Variants in TSC2 observed in about 807,000 individuals in gnomAD.
TSC2 encodes the protein tuberin.
TSC2 carries 29 observed loss-of-function variants against 202.2 expected under a neutral mutation model. The ratio of observed to expected loss-of-function variants is 0.14; its 90% confidence interval spans 0.11 to 0.20. The LOEUF (loss-of-function observed/expected upper bound fraction) is 0.20. Among genes scored for constraint, TSC2 ranks in the 10% least tolerant of loss-of-function variants. The pLI, the probability that TSC2 is intolerant of heterozygous loss-of-function variation, is 1.00. For synonymous variants in TSC2, 1,349 were observed against 1,044.0 expected (o/e 1.29, Z -5.63); for missense variants, 2,429 against 2,420.0 (o/e 1.00, Z -0.08).
chr16:2,082,167 C>T, intron 31 of TSC2: 1 of 596,800 alleles, frequency 1.7e-6, no homozygotes, highest in Non-Finnish European at 3.0e-6. Context: ...CCCCACTCGG[C>T]ACCGTGCTTC....
chr16:2,065,791 C>G (rs2087268781), intron 16 of TSC2, among the ~76,000 whole-genome samples, 156 bp downstream of exon 16: 1 of 152,218 alleles, frequency 6.6e-6, no homozygotes, highest in African/African-American at 2.4e-5. Flanking sequence ...CAGAACCTTC[C>G]TCCTGCTCTT....
At chr16:2,067,775 A>G (rs2087605424) in intron 16 of TSC2, among the ~76,000 whole-genome samples, 1 of 152,134 alleles carries the variant, frequency 6.6e-6, no homozygotes, top group African/African-American at 2.4e-5. Context: ...CGTCTCAAAA[A>G]CAAAACAAAG....
At chr16:2,052,306 C>A (rs1222084759) in intron 3 of TSC2, among the ~76,000 whole-genome samples, 1 of 151,302 alleles carries the variant, frequency 6.6e-6, no homozygotes, top group Non-Finnish European at 1.5e-5. Flanking sequence ...AAGAACACGG[C>A]CATTTTGTTA....
chr16:2,083,618 G>A, intron 32 of TSC2, 77 bp from the exon 33 acceptor site: 1 of 1,546,132 alleles, frequency 6.5e-7, no homozygotes, highest in Non-Finnish European at 8.7e-7. Flanking sequence ...TCAGGAGAAG[G>A]CTGGTTCTCG....
rs771817176 is a variant in TSC2, at chr16:2,076,511, C to A, written c.2763C>A (p.Leu921=). The part of the protein sequence containing the change: ...FITKGLRSNV[L]LSFDDTPEKD... ...GCCAGGGCCTGCGGTCCAATGTCCT[C>A]TTGTCTTTTGATGACACCCCCGAGA... Residue 921 remains leucine, a synonymous_variant, in exon 25 of 42, where the codon CTC becomes CTA. Coordinates refer to ENST00000219476, the MANE Select transcript of TSC2 (RefSeq NM_000548.5). 2 of 1,613,432 alleles carry A rather than the reference C, an allele frequency of 1.2e-6. No homozygotes were observed. The highest frequency in any genetic ancestry group is 1.3e-5 in the African/African-American group (1 of 74,914).
intron 5 of TSC2, 165 bp downstream of exon 5, chr16:2,054,605 C>A: frequency 2.0e-6 from 2 of 1,000,112 alleles, no homozygotes; most frequent in Non-Finnish European, 3.1e-6. Context: ...GGCCGGAGTG[C>A]CCCTGAGGCA....
At position 2,079,784 on chromosome 16, in the gene TSC2, C is replaced by T. The variant is rs534471812; in HGVS notation, c.3397+115C>T. Reference sequence around the variant, plus strand: ...GGGCCGGGGTGGCTGGCTTCAGGCCCGGCCCACGTCCTGACTCTGGGGTGA... The same window carrying T: ...GGGCCGGGGTGGCTGGCTTCAGGCCTGGCCCACGTCCTGACTCTGGGGTGA... On this transcript the variant is annotated intron_variant, in intron 29 of 41. Transcript: ENST00000219476. The surrounding 1 kb of genome is among the most constrained non-coding windows in gnomAD (Gnocchi z 4.6). The T allele has an allele frequency of 5.5e-5, 57 of 1,041,986 alleles. No homozygotes were observed. The highest frequency in any genetic ancestry group is 5.4e-4 in the South Asian group (34 of 63,372). The allele number at this position is 1,041,986 out of a possible 1,614,324, so 64.5% of individuals were successfully genotyped here. A position where few individuals can be genotyped will look rare whatever the true frequency, so the allele number is the denominator to read the frequency against.
chr16:2,061,571 G>T (rs960758879), intron 11 of TSC2: 3 of 470,632 alleles, frequency 6.4e-6, no homozygotes, highest in East Asian at 8.0e-5. Context: ...AGATTCCTTG[G>T]GGGGTGGGGT....
intron 33 of TSC2, 39 bp from the exon 34 acceptor site, chr16:2,084,189 C>T (rs376768326): frequency 5.8e-6 from 9 of 1,554,250 alleles, no homozygotes; most frequent in Non-Finnish European, 7.8e-6. Flanking sequence ...CTCGAGGGTG[C>T]CTGCTGACAG....
chr16:2,083,447 G>A (rs546270757), intron 32 of TSC2: 100 of 637,066 alleles, frequency 1.6e-4, no homozygotes, highest in African/African-American at 1.5e-3. Context: ...TGGACACTAG[G>A]GTGGGCAGAG....
At chr16:2,058,347 C>T (rs906122913) in intron 9 of TSC2, among the ~76,000 whole-genome samples, 1 of 152,248 alleles carries the variant, frequency 6.6e-6, no homozygotes, top group African/African-American at 2.4e-5. Flanking sequence ...TTAGCGTGGT[C>T]ACTGACTCCC....
intron 7 of TSC2, 98 bp downstream of exon 7, chr16:2,056,342 T>C: frequency 6.6e-7 from 1 of 1,526,206 alleles, no homozygotes; most frequent in East Asian, 2.3e-5. Flanking sequence ...GCTGGCTGTG[T>C]AGCCCTGGGC....
At chr16:2,072,627 A>G (rs1450454273) in intron 20 of TSC2, 3 of 819,784 alleles carry the variant, frequency 3.7e-6, no homozygotes, top group Non-Finnish European at 5.6e-6. Flanking sequence ...TGCTTTTCCT[A>G]AGTGGGGCTC....
At chr16:2,081,837 C>T (rs1596401187) in intron 31 of TSC2, 39 bp downstream of exon 31, 2 of 1,605,480 alleles carry the variant, frequency 1.2e-6, no homozygotes, top group Non-Finnish European at 1.7e-6. Flanking sequence ...GCTCTGCTCC[C>T]ACTGGCCTGG....
chr16:2,074,618 A>AT (rs751592927), intron 22 of TSC2: 3 of 603,626 alleles, frequency 5.0e-6, no homozygotes, highest in East Asian at 2.8e-5. Flanking sequence ...TCCTCCTTGA[A>AT]GAAGCCTCTT....
rs1060500970 is a variant in TSC2 at position 2,058,851 on chromosome 16, C to T, written c.953C>T (p.Ser318Phe). The T allele has an allele frequency of 5.0e-6, 8 of 1,608,100 alleles. No individual in the cohort carries two copies. Among genetic ancestry groups the T allele is most frequent in the South Asian group, 2.2e-5 (2 of 89,512 alleles). Residue 318 changes from serine (S) to phenylalanine (F), a missense_variant, in exon 10 of 42, where the codon TCT becomes TTT. Coordinates refer to ENST00000219476, the MANE Select transcript of TSC2 (RefSeq NM_000548.5). ...TATTCTCTCAGGAACTCGCCGACATCTGTGTTGCCATCATTTTACCAGGTA... is the reference window on the plus strand; with the variant it reads ...TATTCTCTCAGGAACTCGCCGACATTTGTGTTGCCATCATTTTACCAGGTA... ...RLYSLRNSPT[S>F]VLPSFYQAMA...
Position 2,087,881 on chromosome 16 carries a change from C to T in TSC2, c.5008C>T (p.His1670Tyr), listed in dbSNP as rs1596454994. Residue 1670 changes from histidine (H) to tyrosine (Y), a missense_variant, in exon 39 of 42, where the codon CAC becomes TAC. Physicochemically the swap from His to Tyr is moderately conservative, Grantham distance 83 (BLOSUM62 2). Transcript: ENST00000219476. ...GTIKGQFNFV[H>Y]VIVTPLDYEC... ...CGGGCAGGGCCAGTTCAACTTTGTC[C>T]ACGTGATCGTCACCCCGCTGGACTA... 1 of 1,612,496 alleles carries T rather than the reference C, an allele frequency of 6.2e-7. No individual in the cohort carries two copies. The highest frequency in any genetic ancestry group is 1.7e-5 in the Admixed American group (1 of 59,996).
intron 25 of TSC2, 112 bp from the exon 26 acceptor site, chr16:2,077,486 C>A: frequency 6.6e-7 from 1 of 1,525,346 alleles, no homozygotes; most frequent in Non-Finnish European, 9.0e-7. Flanking sequence ...GGGATCTCTC[C>A]ATCCTGACCC....
chr16:2,084,488 C>G lies in TSC2; in HGVS notation c.4266C>G (p.Thr1422=), dbSNP rs2090513817. Residue 1422 remains threonine, a synonymous_variant, in exon 34 of 42, where the codon ACC becomes ACG. Coordinates refer to ENST00000219476, the MANE Select transcript of TSC2 (RefSeq NM_000548.5). ...TTAAGGCCCGGTCACAGTCAGGGAC[C>G]CTGGACGGGGAAAGTGCTGCCTGGT... is the stretch of plus-strand genomic sequence containing the variant. ...PEVKARSQSG[T]LDGESAAWSA... is the part of the protein sequence containing the mutation. 3.7e-6 allele frequency: 6 copies of G among 1,609,214 alleles called. No individual in the cohort carries two copies. The highest frequency in any genetic ancestry group is 5.1e-6 in the Non-Finnish European group (6 of 1,178,652).
Sources: gnomAD v4.1 joint callset for allele counts (sites outside exome capture counted in the v4.1 genomes callset) on GRCh38, gnomAD v4.1.1 for gene constraint, Gnocchi (gnomAD v3.1) non-coding constraint, MANE v1.5 for transcripts, NCBI Gene and HGNC (gene_info 2026-07-23, HGNC 2026-07-21) for gene names.